Variants in RAD51B observed in about 807,000 individuals in gnomAD.
RAD51B encodes RAD51 paralog B, also known as DNA repair protein RAD51 homolog 2.
In RAD51B, 38 loss-of-function variants were observed where a neutral mutation model predicts 42.2. That is an observed-to-expected ratio of 0.90 (90% confidence interval 0.70 to 1.18). The LOEUF (loss-of-function observed/expected upper bound fraction) is 1.18. Ranked by LOEUF, RAD51B falls within the 50% of genes most tolerant of loss-of-function variation. The pLI, the probability that RAD51B is intolerant of heterozygous loss-of-function variation, is 0.00. For missense variants in RAD51B, 373 were observed against 400.7 expected (o/e 0.93, Z 0.59); for synonymous variants, 154 against 145.2 (o/e 1.06, Z -0.43).
intron 8 of RAD51B, among the ~76,000 whole-genome samples, chr14:68,297,964 A>G (rs1449314832): frequency 6.6e-6 from 1 of 152,192 alleles, no homozygotes; most frequent in Non-Finnish European, 1.5e-5. Context: ...TTTTGTTTCC[A>G]AAGCCATAGA....
chr14:68,286,197 G>A (rs2081412080), intron 7 of RAD51B, among the ~76,000 whole-genome samples: 1 of 152,166 alleles, frequency 6.6e-6, no homozygotes, highest in Non-Finnish European at 1.5e-5. Flanking sequence ...TTAGGAAGGA[G>A]AGCAGGCAGG....
At chr14:67,871,397 A>G (rs1487073538) in intron 5 of RAD51B, among the ~76,000 whole-genome samples, 1 of 151,732 alleles carries the variant, frequency 6.6e-6, no homozygotes, top group Non-Finnish European at 1.5e-5. Flanking sequence ...GAAGAAGCTG[A>G]ATCTCTGAAT....
At chr14:68,638,114 G>A (rs1440848906) in intron 10 of RAD51B, among the ~76,000 whole-genome samples, 4 of 152,234 alleles carry the variant, frequency 2.6e-5, no homozygotes, top group African/African-American at 9.6e-5. Context: ...GTGAAGGAAG[G>A]CCTGGAAGAG....
At chr14:68,014,126 C>T (rs1053379911) in intron 7 of RAD51B, among the ~76,000 whole-genome samples, 1 of 151,454 alleles carries the variant, frequency 6.6e-6, no homozygotes, top group Non-Finnish European at 1.5e-5. Flanking sequence ...ATTTTTAAAT[C>T]TCCATTATTA....
At chr14:68,549,325 A>G (rs1364885291) in intron 10 of RAD51B, among the ~76,000 whole-genome samples, 1 of 150,412 alleles carries the variant, frequency 6.6e-6, no homozygotes, top group Non-Finnish European at 1.5e-5. Context: ...TTGACCAGTG[A>G]GGAGTGGCTT....
At chr14:68,152,682 C>G (rs992520482) in intron 7 of RAD51B, among the ~76,000 whole-genome samples, 2 of 151,004 alleles carry the variant, frequency 1.3e-5, no homozygotes, top group African/African-American at 4.9e-5. Flanking sequence ...GTTGGTTGTA[C>G]AGATTATTTC....
chr14:68,375,459 T>C lies in RAD51B; in HGVS notation c.854-35965T>C, dbSNP rs193218810. Among the ~76,000 whole-genome samples, 14 of 152,350 alleles carry C rather than the reference T, an allele frequency of 9.2e-5. No individual in the cohort carries two copies. The East Asian group carries it at 2.3e-3, about 25-fold the overall frequency. ...GTTATATGCAGCGTCCTCTGCCTCA[T>C]GTCATTCTCCAATATGCTTTCTCAG... On this transcript the variant is annotated intron_variant, in intron 8 of 10. Coordinates refer to ENST00000471583, the MANE Select transcript of RAD51B (RefSeq NM_133510.4).
chr14:68,183,626 G>A (rs748220835), intron 7 of RAD51B, among the ~76,000 whole-genome samples: 3 of 152,082 alleles, frequency 2.0e-5, no homozygotes, highest in East Asian at 3.9e-4. Context: ...ACCTCTAGCC[G>A]CAGTTCCATT....
intron 9 of RAD51B, among the ~76,000 whole-genome samples, chr14:68,436,625 A>G (rs537130199): frequency 2.0e-5 from 3 of 152,100 alleles, no homozygotes; most frequent in Admixed American, 2.0e-4. Flanking sequence ...TGGCCATTTT[A>G]ATGATATTGA....
intron 7 of RAD51B, among the ~76,000 whole-genome samples, chr14:67,934,771 G>A (rs1022706656): frequency 6.6e-6 from 1 of 152,302 alleles, no homozygotes; most frequent in South Asian, 2.1e-4. Flanking sequence ...TATTATTGAG[G>A]AATCTGGAGC....
intron 7 of RAD51B, among the ~76,000 whole-genome samples, chr14:68,255,904 T>C (rs2080744754): frequency 6.6e-6 from 1 of 152,204 alleles, no homozygotes. Context: ...GATGGATTGT[T>C]TACATGAGTG....
chr14:67,832,347 A>G (rs35548333), intron 3 of RAD51B, among the ~76,000 whole-genome samples: 7 of 152,234 alleles, frequency 4.6e-5, no homozygotes, highest in African/African-American at 1.7e-4. Context: ...ACAAAATTGT[A>G]TATAGTATAC....
Position 68,411,323 on chromosome 14 carries a change from G to A in RAD51B, c.854-101G>A. ...CTGTGGTAATGAACTGAGCCTCCAA[G>A]TACTCTCTGGACTACTGGCAATGAG... On this transcript the variant is annotated intron_variant, in intron 8 of 10. Coordinates refer to ENST00000471583, the MANE Select transcript of RAD51B (RefSeq NM_133510.4). The A allele has an allele frequency of 4.2e-6, 4 of 944,810 alleles. No individual in the cohort carries two copies. In the South Asian group the frequency reaches 4.3e-5, roughly 10 times the overall value. 58.5% of individuals were successfully genotyped at this position (944,810 alleles called of 1,614,324 possible).
intron 7 of RAD51B, among the ~76,000 whole-genome samples, chr14:68,025,476 CTTTTTTTTTTT>C (rs765471138): frequency 4.9e-5 from 2 of 40,976 alleles, no homozygotes; most frequent in East Asian, 7.8e-4. Flanking sequence ...CTGGTCTAGG[CTTTTTTTTTTT>C]TTTTTTTTTT....
At chr14:67,897,677 TTC>T (rs1167258702) in intron 7 of RAD51B, among the ~76,000 whole-genome samples, 2 of 151,608 alleles carry the variant, frequency 1.3e-5, no homozygotes, top group Admixed American at 1.3e-4. Context: ...GAGATGGAGT[TTC>T]GCTCTTGCTA....
chr14:68,102,004 C>T (rs1264989596), intron 7 of RAD51B, among the ~76,000 whole-genome samples: 1 of 152,224 alleles, frequency 6.6e-6, no homozygotes, highest in Non-Finnish European at 1.5e-5. Flanking sequence ...ATAGGTCCAA[C>T]ACCACATGGA....
chr14:68,172,679 A>G (rs2078895543), intron 7 of RAD51B, among the ~76,000 whole-genome samples: 1 of 152,226 alleles, frequency 6.6e-6, no homozygotes, highest in African/African-American at 2.4e-5. Flanking sequence ...GCTTAAGAGA[A>G]TTAAAATGAT....
chr14:67,947,267 T>G (rs541351158), intron 7 of RAD51B, among the ~76,000 whole-genome samples: 6 of 152,238 alleles, frequency 3.9e-5, no homozygotes, highest in Non-Finnish European at 8.8e-5. Flanking sequence ...TCCAGTTGAT[T>G]AGCTTCTTGT....
chr14:67,994,233 GA>G (rs944758871), intron 7 of RAD51B, among the ~76,000 whole-genome samples: 19 of 150,786 alleles, frequency 1.3e-4, no homozygotes, highest in Middle Eastern at 3.2e-3. Flanking sequence ...TTTTTTTCAA[GA>G]AAAAAAAGCC....
Sources: allele counts gnomAD v4.1 joint callset (sites outside exome capture counted in the v4.1 genomes callset), GRCh38; gene constraint gnomAD v4.1.1; transcripts MANE v1.5; gene names NCBI Gene and HGNC (gene_info 2026-07-23, HGNC 2026-07-21).